The following ERBB4 variants were observed in gnomAD, a reference collection of about 807,000 sequenced individuals.
The protein encoded by ERBB4 is receptor tyrosine-protein kinase erbB-4.
In ERBB4, 42 loss-of-function variants were observed where a neutral mutation model predicts 158.0. The ratio of observed to expected loss-of-function variants is 0.27; its 90% CI spans 0.21 to 0.34. The LOEUF (loss-of-function observed/expected upper bound fraction) is 0.34. ERBB4 is among the 10% of genes least tolerant of loss of function. The pLI is 1.00. For missense variants in ERBB4, 1,333 were observed against 1,624.1 expected, an observed-to-expected ratio of 0.82 and a Z score of 3.08; for synonymous variants, 583 against 558.7, an observed-to-expected ratio of 1.04 and a Z score of -0.61.
intron 3 of ERBB4, among the ~76,000 whole-genome samples, chr2:211,795,428 T>C (rs2076363379): frequency 1.3e-5 from 2 of 151,946 alleles, no homozygotes; most frequent in Admixed American, 6.6e-5. Context: ...GGTTACTTCT[T>C]GGTATGAGCA....
At chr2:212,290,654 ATTT>A (rs1462665363) in intron 1 of ERBB4, among the ~76,000 whole-genome samples, 9 of 151,422 alleles carry the variant, frequency 5.9e-5, no homozygotes, top group African/African-American at 2.2e-4. Flanking sequence ...ACTATACTAT[ATTT>A]CTTTTCGTGT....
At chr2:212,201,642 T>A (rs960920071) in intron 1 of ERBB4, among the ~76,000 whole-genome samples, 2 of 152,204 alleles carry the variant, frequency 1.3e-5, no homozygotes, top group African/African-American at 4.8e-5. Context: ...CTGAAGCATG[T>A]CCTATATTTT....
chr2:211,794,281 T>A (rs2076336547), intron 3 of ERBB4, among the ~76,000 whole-genome samples: 1 of 151,972 alleles, frequency 6.6e-6, no homozygotes, highest in Admixed American at 6.6e-5. Context: ...GACCACCTAG[T>A]TCTTAGAGTT....
chr2:212,415,419 T>C (rs2091623662), intron 1 of ERBB4, among the ~76,000 whole-genome samples: 1 of 152,168 alleles, frequency 6.6e-6, no homozygotes, highest in Admixed American at 6.5e-5. Context: ...AATAGGGCTC[T>C]GTTTGTGTGT....
At chr2:211,592,345 G>C (rs773401648) in intron 19 of ERBB4, among the ~76,000 whole-genome samples, 79 of 152,246 alleles carry the variant, frequency 5.2e-4, no homozygotes, top group Non-Finnish European at 9.7e-4. Flanking sequence ...GAGCCAAGAC[G>C]GAGTCTGTCT....
At chr2:212,253,339 A>T (rs2084609520) in intron 1 of ERBB4, among the ~76,000 whole-genome samples, 1 of 152,180 alleles carries the variant, frequency 6.6e-6, no homozygotes, top group Admixed American at 6.6e-5. Flanking sequence ...AAGTAAATGA[A>T]AATTGAGTGA....
chr2:212,517,063 T>C (rs1251450745), intron 1 of ERBB4, among the ~76,000 whole-genome samples: 2 of 152,142 alleles, frequency 1.3e-5, no homozygotes, highest in African/African-American at 2.4e-5. Context: ...TTCAAAGTCT[T>C]AGAATAAAAT....
chr2:212,379,369 G>A (rs1328288389), intron 1 of ERBB4, among the ~76,000 whole-genome samples: 1 of 151,656 alleles, frequency 6.6e-6, no homozygotes, highest in Non-Finnish European at 1.5e-5. Context: ...GCTATGTGAA[G>A]TTTAGAACAG....
intron 2 of ERBB4, among the ~76,000 whole-genome samples, chr2:212,009,067 CTAAACAGAAATTTTAGTTATATGT>C (rs2076322002): frequency 1.3e-5 from 1 of 74,932 alleles, no homozygotes; most frequent in Non-Finnish European, 2.9e-5. Context: ...ATATGTTTTT[CTAAACAGAAATTTTAGTTATATGT>C]TTATCAAAAT....
chr2:212,532,406 T>G (rs570474426), intron 1 of ERBB4, among the ~76,000 whole-genome samples: 16 of 152,324 alleles, frequency 1.1e-4, no homozygotes, highest in Admixed American at 9.2e-4. Flanking sequence ...TTCAGCTGTT[T>G]TAGAAACTAG....
At chr2:211,608,247 G>A (rs964388117) in intron 19 of ERBB4, among the ~76,000 whole-genome samples, 7 of 152,036 alleles carry the variant, frequency 4.6e-5, no homozygotes, top group Middle Eastern at 3.2e-3. Context: ...TCGATGCAGC[G>A]GGCAGCTGAA....
intron 16 of ERBB4, among the ~76,000 whole-genome samples, chr2:211,653,820 A>G (rs2071103952): frequency 6.6e-6 from 1 of 151,858 alleles, no homozygotes; most frequent in East Asian, 1.9e-4. Flanking sequence ...GACTACAGGC[A>G]TGTTCCACCA....
intron 1 of ERBB4, among the ~76,000 whole-genome samples, chr2:212,274,680 C>T (rs898088040): frequency 3.3e-5 from 5 of 151,620 alleles, no homozygotes; most frequent in African/African-American, 4.8e-5. Context: ...ACTTTAACTT[C>T]TTATAATAGG....
intron 1 of ERBB4, among the ~76,000 whole-genome samples, chr2:212,269,063 T>TGCA (rs147432616): frequency 0.032 from 4,919 of 151,928 alleles, 257 homozygotes; most frequent in African/African-American, 0.11. Flanking sequence ...AGTTATATAA[T>TGCA]GCACATGATG....
chr2:211,762,460 C>A (rs1350028287), intron 4 of ERBB4, among the ~76,000 whole-genome samples: 1 of 151,942 alleles, frequency 6.6e-6, no homozygotes, highest in African/African-American at 2.4e-5. Flanking sequence ...GGCTGGTGCA[C>A]GTGGAGAGAG....
At chr2:212,445,942 T>C (rs899341459) in intron 1 of ERBB4, among the ~76,000 whole-genome samples, 1 of 152,260 alleles carries the variant, frequency 6.6e-6, no homozygotes, top group African/African-American at 2.4e-5. Flanking sequence ...TGTGTATGTA[T>C]ACACTTGTAC....
At chr2:212,499,937 A>G (rs1690791199) in intron 1 of ERBB4, among the ~76,000 whole-genome samples, 1 of 152,090 alleles carries the variant, frequency 6.6e-6, no homozygotes, top group Non-Finnish European at 1.5e-5. Context: ...GCCATATTTC[A>G]TATGACAAAT....
intron 23 of ERBB4, among the ~76,000 whole-genome samples, chr2:211,423,904 C>A (rs972462689): frequency 6.6e-6 from 1 of 151,854 alleles, no homozygotes; most frequent in Non-Finnish European, 1.5e-5. Flanking sequence ...AATTACCTCT[C>A]TTTACGACAG....
intron 1 of ERBB4, among the ~76,000 whole-genome samples, chr2:212,239,102 G>C (rs926930295): frequency 6.6e-6 from 1 of 152,166 alleles, no homozygotes; most frequent in Non-Finnish European, 1.5e-5. Flanking sequence ...TGCCCAGCCT[G>C]GAGGGCAGTG....
Sources: gnomAD v4.1 joint callset for allele counts (sites outside exome capture counted in the v4.1 genomes callset) on GRCh38, gnomAD v4.1.1 for gene constraint, MANE v1.5 for transcripts, NCBI Gene and HGNC (gene_info 2026-07-23, HGNC 2026-07-21) for gene names.